The following RHBDD1 variants were observed in gnomAD, a reference collection of about 807,000 sequenced individuals.
RHBDD1 encodes rhomboid-related protein 4.
Under a neutral mutation model 36.3 loss-of-function variants are expected in RHBDD1, and 38 were observed. The observed-to-expected ratio is 1.05, with a 90% confidence interval of 0.81 to 1.37. The LOEUF (loss-of-function observed/expected upper bound fraction) is 1.37. Among genes scored for constraint, RHBDD1 ranks in the 40% most tolerant of loss-of-function variants. The pLI, the probability that RHBDD1 is intolerant of heterozygous loss-of-function variation, is 0.00. For missense variants in RHBDD1, 393 were observed against 377.6 expected, an observed-to-expected ratio of 1.04 and a Z score of -0.34; for synonymous variants, 151 against 136.5, an observed-to-expected ratio of 1.11 and a Z score of -0.74.
intron 5 of RHBDD1, among the ~76,000 whole-genome samples, chr2:226,884,192 C>A (rs1283011281): frequency 6.6e-6 from 1 of 152,014 alleles, no homozygotes; most frequent in East Asian, 1.9e-4. Context: ...GCTAATTTCC[C>A]TTTCCTCTTC....
At chr2:226,988,329 C>T (rs1366304711) in intron 8 of RHBDD1, 29 of 1,548,630 alleles carry the variant, frequency 1.9e-5, no homozygotes, top group African/African-American at 2.7e-5. Context: ...TGAACATCTG[C>T]AGGAAAACCA....
At chr2:226,954,617 AAGAG>A (rs768639811) in intron 8 of RHBDD1, among the ~76,000 whole-genome samples, 30 of 152,136 alleles carry the variant, frequency 2.0e-4, no homozygotes, top group African/African-American at 6.8e-4. Context: ...AATAAAGAAA[AAGAG>A]AGAAAGAGAC....
At chr2:226,814,843 T>C in the RHBDD1 span, among the ~76,000 whole-genome samples, 1 of 152,224 alleles carries the variant, frequency 6.6e-6, no homozygotes, top group African/African-American at 2.4e-5. Context: ...TCAGCATGTT[T>C]ACATCAGTTC....
intron 8 of RHBDD1, chr2:226,988,818 C>A: frequency 3.4e-6 from 2 of 592,678 alleles, no homozygotes; most frequent in Non-Finnish European, 4.2e-6. Context: ...AGTTAACTAC[C>A]AAGGCTGACT....
chr2:226,893,859 C>G (rs1464730163), intron 5 of RHBDD1, among the ~76,000 whole-genome samples: 1 of 152,194 alleles, frequency 6.6e-6, no homozygotes, highest in Non-Finnish European at 1.5e-5. Context: ...CACAGCACTA[C>G]TGACCCCCAG....
At chr2:226,897,500 A>G (rs538651817) in intron 5 of RHBDD1, among the ~76,000 whole-genome samples, 1 of 152,338 alleles carries the variant, frequency 6.6e-6, no homozygotes, top group East Asian at 1.9e-4. Context: ...GGTAATTTAT[A>G]AAGAGAAGAG....
chr2:226,906,592 G>A, intron 5 of RHBDD1: 1 of 1,176,008 alleles, frequency 8.5e-7, no homozygotes, highest in Non-Finnish European at 1.2e-6. Context: ...AACATGTGGT[G>A]GTTGTTATTC....
At chr2:226,910,089 T>C (rs945359715) in intron 7 of RHBDD1, among the ~76,000 whole-genome samples, 3 of 152,214 alleles carry the variant, frequency 2.0e-5, no homozygotes, top group Non-Finnish European at 2.9e-5. Context: ...TTTTCTACTG[T>C]GTAAGGATAT....
chr2:226,905,070 C>G (rs1036871693), intron 5 of RHBDD1, among the ~76,000 whole-genome samples: 3 of 151,978 alleles, frequency 2.0e-5, no homozygotes, highest in Non-Finnish European at 4.4e-5. Flanking sequence ...CTTGGAGTCT[C>G]CATCAGGCTC....
Position 226,867,182 on chromosome 2 carries a change from T to G in RHBDD1, c.434-4T>G, listed in dbSNP as rs371863948. The G allele has an allele frequency of 1.9e-6, 3 of 1,602,786 alleles. No homozygotes were observed. The highest frequency in any genetic ancestry group is 2.7e-5 in the African/African-American group (2 of 74,320). ...ATATTTGCATGTTCTTCATTCTCTT[T>G]TAGGAGTTTTGTTTGCTTTGAAAGT... On this transcript the variant is annotated splice_polypyrimidine_tract_variant and splice_region_variant and intron_variant, in intron 4 of 8. Transcript: ENST00000392062.
intron 5 of RHBDD1, among the ~76,000 whole-genome samples, chr2:226,892,834 A>T (rs1001523252): frequency 2.6e-5 from 4 of 152,210 alleles, no homozygotes; most frequent in Non-Finnish European, 4.4e-5. Flanking sequence ...TTTCAAAAAA[A>T]TCACTAAACA....
chr2:226,975,211 A>G (rs968616498), intron 8 of RHBDD1, among the ~76,000 whole-genome samples: 9 of 152,164 alleles, frequency 5.9e-5, no homozygotes, highest in Admixed American at 1.3e-4. Context: ...TCATAACAGG[A>G]CCATGTAGAA....
At chr2:226,809,069 A>T in the RHBDD1 span, among the ~76,000 whole-genome samples, 2 of 152,332 alleles carry the variant, frequency 1.3e-5, no homozygotes, top group East Asian at 3.9e-4. Context: ...GTCTGGGCTT[A>T]GGTATAAATG....
At chr2:226,965,639 A>G (rs556975844) in intron 8 of RHBDD1, among the ~76,000 whole-genome samples, 1 of 152,326 alleles carries the variant, frequency 6.6e-6, no homozygotes, top group Admixed American at 6.5e-5. Flanking sequence ...TTTTTGGCCA[A>G]AACCACTGGA....
intron 3 of RHBDD1, among the ~76,000 whole-genome samples, chr2:226,845,730 A>G (rs1942140080): frequency 6.6e-6 from 1 of 152,268 alleles, no homozygotes; most frequent in South Asian, 2.1e-4. Context: ...GCAGCCTGAC[A>G]GCCTTTCGTG....
the RHBDD1 span, among the ~76,000 whole-genome samples, chr2:226,815,739 G>T: frequency 6.6e-6 from 1 of 152,102 alleles, no homozygotes; most frequent in Non-Finnish European, 1.5e-5. Context: ...TTTGAAGAGT[G>T]GCCACTATAT....
chr2:226,924,566 C>T (rs1364805042), intron 8 of RHBDD1, among the ~76,000 whole-genome samples: 1 of 152,118 alleles, frequency 6.6e-6, no homozygotes, highest in Non-Finnish European at 1.5e-5. Context: ...GGCTCTGAGC[C>T]CAGCACAGCA....
chr2:226,952,429 C>T (rs1951492180), intron 8 of RHBDD1, among the ~76,000 whole-genome samples: 1 of 151,118 alleles, frequency 6.6e-6, no homozygotes, highest in African/African-American at 2.4e-5. Context: ...TCCCAAATAG[C>T]TGGAATTACA....
chr2:226,899,016 G>C (rs983509740), intron 5 of RHBDD1, among the ~76,000 whole-genome samples: 3 of 152,206 alleles, frequency 2.0e-5, no homozygotes, highest in African/African-American at 7.2e-5. Context: ...CTATGCTTGA[G>C]AGGACAACCT....
Sources: allele counts gnomAD v4.1 joint callset (sites outside exome capture counted in the v4.1 genomes callset), GRCh38; gene constraint gnomAD v4.1.1; transcripts MANE v1.5; gene names NCBI Gene and HGNC (gene_info 2026-07-23, HGNC 2026-07-21).